Variants in ATRNL1 observed in about 807,000 individuals in gnomAD.
ATRNL1 encodes the protein attractin like 1, also known as attractin-like protein 1.
A neutral mutation model predicts 182.7 loss-of-function variants in ATRNL1; 95 were observed. The ratio of observed to expected loss-of-function variants is 0.52; its 90% confidence interval spans 0.44 to 0.62. The LOEUF (loss-of-function observed/expected upper bound fraction) is 0.62. Among genes scored for constraint, ATRNL1 ranks in the 20% least tolerant of loss-of-function variants. The pLI, the probability that ATRNL1 is intolerant of heterozygous loss-of-function variation, is 0.00. For synonymous variants in ATRNL1, 576 were observed against 568.3 expected, an observed-to-expected ratio of 1.01 and a Z score of -0.19; for missense variants, 1,471 against 1,679.5, an observed-to-expected ratio of 0.88 and a Z score of 2.17.
chr10:115,224,249 T>A (rs1849608829), intron 9 of ATRNL1, among the ~76,000 whole-genome samples: 3 of 151,948 alleles, frequency 2.0e-5, no homozygotes, highest in Admixed American at 2.0e-4. Context: ...AACCCTAGTA[T>A]AATTTTCATA....
At chr10:115,122,562 T>TC (rs1844790336) in intron 3 of ATRNL1, among the ~76,000 whole-genome samples, 1 of 152,026 alleles carries the variant, frequency 6.6e-6, no homozygotes, top group Non-Finnish European at 1.5e-5. Context: ...TGCTGGAAAT[T>TC]TAAGTATGGA....
chr10:115,478,059 G>C (rs1848611263), intron 24 of ATRNL1, among the ~76,000 whole-genome samples: 1 of 151,692 alleles, frequency 6.6e-6, no homozygotes, highest in Admixed American at 6.6e-5. Context: ...GGATTGAGAG[G>C]AAGGTTTTTT....
intron 27 of ATRNL1, among the ~76,000 whole-genome samples, chr10:115,730,545 ATG>A (rs1224614907): frequency 3.3e-5 from 5 of 151,808 alleles, no homozygotes; most frequent in Admixed American, 2.6e-4. Context: ...ATGTGTCCAT[ATG>A]TGTGTGTATG....
At chr10:115,112,770 A>G (rs889867989) in intron 1 of ATRNL1, among the ~76,000 whole-genome samples, 5 of 152,178 alleles carry the variant, frequency 3.3e-5, no homozygotes, top group African/African-American at 9.7e-5. Flanking sequence ...TGAGGAAAAA[A>G]TCATCTTGTT....
intron 3 of ATRNL1, among the ~76,000 whole-genome samples, chr10:115,126,726 A>C (rs1844990892): frequency 6.6e-6 from 1 of 152,224 alleles, no homozygotes; most frequent in Admixed American, 6.5e-5. Flanking sequence ...GTGGTACCTA[A>C]ACATAATTTT....
At chr10:115,721,271 T>C (rs1947415062) in intron 26 of ATRNL1, among the ~76,000 whole-genome samples, 1 of 152,196 alleles carries the variant, frequency 6.6e-6, no homozygotes, top group Non-Finnish European at 1.5e-5. Flanking sequence ...ATTTTGACCT[T>C]TTGGTTTAAT....
chr10:115,869,601 T>C (rs1320200772), intron 28 of ATRNL1, among the ~76,000 whole-genome samples: 1 of 152,116 alleles, frequency 6.6e-6, no homozygotes, highest in Non-Finnish European at 1.5e-5. Context: ...TATGCTAGTC[T>C]CCCCCGTAGC....
At chr10:115,845,652 A>G (rs1041738253) in intron 27 of ATRNL1, among the ~76,000 whole-genome samples, 2 of 151,342 alleles carry the variant, frequency 1.3e-5, no homozygotes, top group Admixed American at 1.3e-4. Context: ...CTGTTTCTCA[A>G]CTTTTTTGTA....
At chr10:115,923,298 C>T (rs1180621968) in intron 28 of ATRNL1, among the ~76,000 whole-genome samples, 3 of 152,098 alleles carry the variant, frequency 2.0e-5, no homozygotes, top group African/African-American at 7.2e-5. Context: ...TTAAATTTTA[C>T]TTTAAGTTCT....
At chr10:115,847,516 A>C (rs1015629008) in intron 27 of ATRNL1, among the ~76,000 whole-genome samples, 2 of 152,166 alleles carry the variant, frequency 1.3e-5, no homozygotes, top group Admixed American at 1.3e-4. Flanking sequence ...CCCTATAGAC[A>C]GTAAAAATAA....
At chr10:115,872,520 A>G (rs572587915) in intron 28 of ATRNL1, among the ~76,000 whole-genome samples, 1 of 152,218 alleles carries the variant, frequency 6.6e-6, no homozygotes, top group Non-Finnish European at 1.5e-5. Flanking sequence ...AGCTCATCAC[A>G]AAAGGTGTTA....
chr10:115,415,742 T>C (rs1554960724), intron 20 of ATRNL1, among the ~76,000 whole-genome samples: 1 of 151,970 alleles, frequency 6.6e-6, no homozygotes, highest in Non-Finnish European at 1.5e-5. Context: ...ATTTTGTTTA[T>C]GGTATGAGGA....
chr10:115,923,249 T>C (rs1399125846), intron 28 of ATRNL1, among the ~76,000 whole-genome samples: 1 of 152,118 alleles, frequency 6.6e-6, no homozygotes, highest in Non-Finnish European at 1.5e-5. Flanking sequence ...TGTATGTATA[T>C]ATGTATGTAG....
At chr10:115,636,596 C>A (rs1858889014) in intron 26 of ATRNL1, among the ~76,000 whole-genome samples, 2 of 152,174 alleles carry the variant, frequency 1.3e-5, no homozygotes, top group African/African-American at 2.4e-5. Flanking sequence ...CATGTTTCCT[C>A]AAAAATTGCT....
chr10:115,347,108 C>T (rs1196648024), intron 19 of ATRNL1, among the ~76,000 whole-genome samples: 1 of 152,074 alleles, frequency 6.6e-6, no homozygotes, highest in African/African-American at 2.4e-5. Flanking sequence ...TACTTCTCTG[C>T]TAGGTTGAAG....
At chr10:115,588,299 G>C (rs945092916) in intron 26 of ATRNL1, among the ~76,000 whole-genome samples, 2 of 152,128 alleles carry the variant, frequency 1.3e-5, no homozygotes, top group African/African-American at 4.8e-5. Context: ...CTCTTTTGCT[G>C]TGCAGCTTCT....
intron 19 of ATRNL1, among the ~76,000 whole-genome samples, chr10:115,386,287 A>G (rs1554952615): frequency 6.6e-6 from 1 of 152,188 alleles, no homozygotes; most frequent in African/African-American, 2.4e-5. Context: ...GTCTCTAAAT[A>G]TTTCACAACC....
At chr10:115,898,215 A>G (rs1555112950) in intron 28 of ATRNL1, among the ~76,000 whole-genome samples, 1 of 152,144 alleles carries the variant, frequency 6.6e-6, no homozygotes, top group African/African-American at 2.4e-5. Context: ...ATGAGCCACT[A>G]TGCCCGGTCC....
chr10:115,152,750 T>C (rs185503395), intron 5 of ATRNL1, among the ~76,000 whole-genome samples: 39 of 150,906 alleles, frequency 2.6e-4, no homozygotes, highest in African/African-American at 8.3e-4. Context: ...TCCAACACTA[T>C]GTTGAATAAG....
Sources: allele counts gnomAD v4.1 joint callset (sites outside exome capture counted in the v4.1 genomes callset), GRCh38; gene constraint gnomAD v4.1.1; transcripts MANE v1.5; gene names NCBI Gene and HGNC (gene_info 2026-07-23, HGNC 2026-07-21).